Variants in TEX9 observed in about 807,000 individuals in gnomAD.
TEX9 encodes the protein testis-expressed protein 9.
A neutral mutation model predicts 59.6 loss-of-function variants in TEX9; 74 were observed. The ratio of observed to expected loss-of-function variants is 1.24; its 90% CI spans 1.03 to 1.51. The LOEUF is 1.51. Among genes scored for constraint, TEX9 ranks in the 40% most tolerant of loss-of-function variants. TEX9 has a pLI of 0.00. For synonymous variants in TEX9, 186 were observed against 152.2 expected (o/e 1.22, Z -1.64); for missense variants, 522 against 447.8 (o/e 1.17, Z -1.49).
chr15:56,284,730 T>C (rs1305208950), intron 1 of TEX9, among the ~76,000 whole-genome samples: 3 of 152,152 alleles, frequency 2.0e-5, no homozygotes, highest in African/African-American at 7.2e-5. Flanking sequence ...TTTCACTTTC[T>C]AAATATATCT....
At chr15:56,265,595 T>A (rs2044361745) in intron 1 of TEX9, among the ~76,000 whole-genome samples, 1 of 152,218 alleles carries the variant, frequency 6.6e-6, no homozygotes, top group Admixed American at 6.5e-5. Flanking sequence ...TTTCCAATTT[T>A]CTTTGTAAGT....
chr15:56,449,096 C>T (rs1189132605), downstream of TEX9, among the ~76,000 whole-genome samples: 4 of 152,124 alleles, frequency 2.6e-5, no homozygotes, highest in Non-Finnish European at 5.9e-5. Context: ...ACAATCATAT[C>T]ATCTGTGAAT....
intron 1 of TEX9, among the ~76,000 whole-genome samples, chr15:56,246,686 ATTG>A (rs1490535344): frequency 9.9e-5 from 15 of 152,188 alleles, no homozygotes; most frequent in Admixed American, 1.3e-4. Flanking sequence ...AAGGTAAGAC[ATTG>A]TAGTAAGCAT....
intron 1 of TEX9, among the ~76,000 whole-genome samples, chr15:56,247,545 T>C (rs2043890056): frequency 6.6e-6 from 1 of 152,164 alleles, no homozygotes; most frequent in Non-Finnish European, 1.5e-5. Flanking sequence ...GAAAGGGTAC[T>C]GTTTGCTGAA....
At chr15:56,420,237 T>A (rs1053672253) in intron 10 of TEX9, among the ~76,000 whole-genome samples, 7 of 151,770 alleles carry the variant, frequency 4.6e-5, no homozygotes, top group African/African-American at 1.7e-4. Flanking sequence ...TTATTTTTTT[T>A]ATTGATTTCT....
At chr15:56,392,332 G>A (rs776439084) in intron 7 of TEX9, among the ~76,000 whole-genome samples, 2 of 152,098 alleles carry the variant, frequency 1.3e-5, no homozygotes, top group South Asian at 2.1e-4. Flanking sequence ...CAATCATGGC[G>A]GAAGGCAAAC....
chr15:56,407,719 T>TG (rs1350306517), intron 9 of TEX9, among the ~76,000 whole-genome samples: 75 of 152,312 alleles, frequency 4.9e-4, no homozygotes, highest in Middle Eastern at 6.8e-3. Context: ...ATTAAACAGT[T>TG]GGTCTTTTTT....
intron 1 of TEX9, among the ~76,000 whole-genome samples, chr15:56,285,170 G>A (rs573089542): frequency 3.9e-5 from 6 of 151,944 alleles, no homozygotes; most frequent in African/African-American, 7.2e-5. Flanking sequence ...TAGAATTTTC[G>A]TTAGTGTGGG....
chr15:56,363,610 C>T (rs1297835956), upstream of TEX9, among the ~76,000 whole-genome samples: 1 of 151,790 alleles, frequency 6.6e-6, no homozygotes, highest in Non-Finnish European at 1.5e-5. Context: ...GGAGAAATCC[C>T]TATTTCTTTG....
At chr15:56,255,566 A>C (rs1001444191) in intron 1 of TEX9, among the ~76,000 whole-genome samples, 2 of 152,088 alleles carry the variant, frequency 1.3e-5, no homozygotes, top group Non-Finnish European at 2.9e-5. Flanking sequence ...TCTAATAAGG[A>C]TAACAAATAT....
At position 56,246,008 on chromosome 15, in the gene TEX9, GGA is replaced by G. The variant is rs1169762019; in HGVS notation, c.-107+1734_-107+1735del. On this transcript the variant is annotated intron_variant, in intron 1 of 5. Transcript: ENST00000560827. ...GGGAGGGGGAGATCCTTAGGAAGTG[GGA>G]GAGTCATCGAGGGGGTAACGTATCT... Among the ~76,000 whole-genome samples the G allele has an allele frequency of 1.3e-3, 196 of 152,240 alleles. 2 individuals carry two copies. The highest frequency in any genetic ancestry group is 4.6e-3 in the African/African-American group (190 of 41,528).
chr15:56,286,109 C>T lies in TEX9; in HGVS notation c.-107+41831C>T, dbSNP rs181131835. On this transcript the variant is annotated intron_variant, in intron 1 of 5. Transcript: ENST00000560827. ...ACTATTTTGAGATATGAATCTATGG[C>T]GTTTTCATCTCTGTATTTCCCCTCT... Among the ~76,000 whole-genome samples the T allele has an allele frequency of 6.6e-5, 10 of 152,194 alleles. No homozygotes were observed. In the East Asian group the frequency reaches 1.7e-3, roughly 26 times the overall value.
chr15:56,288,645 T>C (rs1003559161), intron 1 of TEX9, among the ~76,000 whole-genome samples: 14 of 152,178 alleles, frequency 9.2e-5, no homozygotes, highest in African/African-American at 3.4e-4. Context: ...TTTGTTTCTT[T>C]TCTCTTGCTG....
intron 1 of TEX9, among the ~76,000 whole-genome samples, chr15:56,295,924 C>T (rs12594868): frequency 0.066 from 10,105 of 152,218 alleles, 748 homozygotes; most frequent in East Asian, 0.36. Context: ...GGCTTTGTTA[C>T]GCTTCTGCTC....
chr15:56,410,849 A>G lies in TEX9; in HGVS notation c.829-1453A>G, dbSNP rs756533872. 8.3e-4 allele frequency among the ~76,000 whole-genome samples: 126 copies of G among 152,328 alleles called. 1 individual carries two copies. Among genetic ancestry groups the G allele is most frequent in the East Asian group, 1.9e-4 (1 of 5,184 alleles). ...GCTAATGAGAATCTTTGCCTTTTCT[A>G]TGTGAACAGTGAGATAAATCAAGCT... On this transcript the variant is annotated intron_variant, in intron 9 of 12. Transcript: ENST00000352903.
At chr15:56,458,965 G>C in the TEX9 span, among the ~76,000 whole-genome samples, 2 of 152,164 alleles carry the variant, frequency 1.3e-5, no homozygotes, top group Non-Finnish European at 2.9e-5. Flanking sequence ...TTTTATAAAT[G>C]CTATAGATAT....
At chr15:56,423,249 G>C (rs2050068937) in intron 10 of TEX9, among the ~76,000 whole-genome samples, 1 of 152,128 alleles carries the variant, frequency 6.6e-6, no homozygotes, top group Non-Finnish European at 1.5e-5. Context: ...CTTATACTCT[G>C]TCCTATAAGT....
intron 1 of TEX9, among the ~76,000 whole-genome samples, chr15:56,349,200 T>G (rs1373486455): frequency 5.3e-5 from 8 of 152,188 alleles, no homozygotes; most frequent in Admixed American, 5.2e-4. Flanking sequence ...GGATTGTATC[T>G]TAGATAATAT....
intron 9 of TEX9, among the ~76,000 whole-genome samples, chr15:56,402,329 C>G (rs192634742): frequency 1.3e-3 from 195 of 152,302 alleles, no homozygotes; most frequent in African/African-American, 4.5e-3. Flanking sequence ...CGCAGAAATA[C>G]AGACTATCAT....
Sources: gnomAD v4.1 joint callset for allele counts (sites outside exome capture counted in the v4.1 genomes callset) on GRCh38, gnomAD v4.1.1 for gene constraint, MANE v1.5 for transcripts, NCBI Gene and HGNC (gene_info 2026-07-23, HGNC 2026-07-21) for gene names.